KBTBD12: variants seen among roughly 807,000 people sequenced by gnomAD.
The protein encoded by KBTBD12 is kelch repeat and BTB domain-containing protein 12.
A neutral mutation model predicts 58.7 loss-of-function variants in KBTBD12; 53 were observed. The ratio of observed to expected loss-of-function variants is 0.90; its 90% CI spans 0.72 to 1.14. KBTBD12 has a LOEUF of 1.14. Ranked by LOEUF, KBTBD12 falls within the 50% of genes most tolerant of loss-of-function variation. The probability of loss-of-function intolerance (pLI) is 0.00; values close to 1 mark genes in which losing one functional copy is unlikely to be tolerated. For synonymous variants in KBTBD12, 236 were observed against 259.8 expected (o/e 0.91, Z 0.88); for missense variants, 704 against 751.3 (o/e 0.94, Z 0.74).
intron 4 of KBTBD12, among the ~76,000 whole-genome samples, chr3:127,939,072 G>A (rs555220469): frequency 6.6e-6 from 1 of 152,278 alleles, no homozygotes; most frequent in Admixed American, 6.5e-5. Flanking sequence ...TTACTGAAAA[G>A]GGAGGTTATA....
At chr3:127,973,738 T>C (rs1365792824) in intron 5 of KBTBD12, among the ~76,000 whole-genome samples, 2 of 152,196 alleles carry the variant, frequency 1.3e-5, no homozygotes, top group Non-Finnish European at 2.9e-5. Flanking sequence ...CGGTATTCAG[T>C]GTACTATTCT....
chr3:127,969,722 G>T (rs1481450244), intron 5 of KBTBD12, among the ~76,000 whole-genome samples: 1 of 152,150 alleles, frequency 6.6e-6, no homozygotes, highest in African/African-American at 2.4e-5. Flanking sequence ...GTGAGGAAAG[G>T]ATCCTTTTTT....
chr3:127,919,597 C>T (rs1939347535), intron 1 of KBTBD12, among the ~76,000 whole-genome samples: 1 of 152,204 alleles, frequency 6.6e-6, no homozygotes, highest in Non-Finnish European at 1.5e-5. Flanking sequence ...TCTTCCCTCT[C>T]ATACAGGCGG....
chr3:127,964,439 C>G (rs1940520587), intron 5 of KBTBD12, among the ~76,000 whole-genome samples: 1 of 151,446 alleles, frequency 6.6e-6, no homozygotes, highest in Non-Finnish European at 1.5e-5. Context: ...TGAGACCATC[C>G]TGGCCAACAT....
chr3:127,984,379 C>A lies in KBTBD12; in HGVS notation c.*101C>A. On this transcript the variant is annotated 3_prime_UTR_variant, in exon 6 of 6. Transcript: ENST00000405109. ...TCATGCCAGTCATGTGCACTGCATG[C>A]GTAGTGGCCTGTGTGTGAAGAAGCA... is the stretch of plus-strand genomic sequence containing the variant. 1 of 1,083,408 alleles carries A rather than the reference C, an allele frequency of 9.2e-7. No individual in the cohort carries two copies. The highest frequency in any genetic ancestry group is 2.3e-5 in the Admixed American group (1 of 43,018). The allele number at this position is 1,083,408 out of a possible 1,614,324, so 67.1% of individuals were successfully genotyped here.
chr3:127,968,229 A>G (rs1940616798), intron 5 of KBTBD12, among the ~76,000 whole-genome samples: 1 of 152,268 alleles, frequency 6.6e-6, no homozygotes, highest in Admixed American at 6.5e-5. Flanking sequence ...AAGCTTACTT[A>G]TAAAATCCCA....
chr3:127,978,047 C>G (rs1940814271), intron 5 of KBTBD12, among the ~76,000 whole-genome samples: 1 of 152,160 alleles, frequency 6.6e-6, no homozygotes. Flanking sequence ...CTGCATATGG[C>G]TAGCCAGCCA....
intron 4 of KBTBD12, among the ~76,000 whole-genome samples, chr3:127,946,398 G>A (rs1011854758): frequency 1.3e-5 from 2 of 152,064 alleles, no homozygotes; most frequent in African/African-American, 2.4e-5. Flanking sequence ...TGTTTTGCTG[G>A]TTATAGAATT....
At chr3:127,956,412 T>G (rs925853486) in intron 4 of KBTBD12, among the ~76,000 whole-genome samples, 3 of 152,108 alleles carry the variant, frequency 2.0e-5, no homozygotes, top group African/African-American at 7.2e-5. Context: ...ATTATATATG[T>G]TTTCATATTT....
intron 5 of KBTBD12, among the ~76,000 whole-genome samples, chr3:127,973,989 TATTTTC>T (rs1940731719): frequency 6.6e-6 from 1 of 152,182 alleles, no homozygotes; most frequent in Admixed American, 6.5e-5. Context: ...GGAGAGTTAC[TATTTTC>T]ATTTTCAACT....
In KBTBD12 at chr3:127,934,482, GA is replaced by G. The variant is rs1264388894; in HGVS notation, c.1492+4201del. ...AAACCTATGAACAGATGTTTAATGG[GA>G]ATCCCAAAAGGAAATGAGAGAGAGA... On this transcript the variant is annotated intron_variant, in intron 4 of 5. Coordinates refer to ENST00000405109, the MANE Select transcript of KBTBD12 (RefSeq NM_207335.4). Among the ~76,000 whole-genome samples, 3 of 152,088 alleles carry G rather than the reference GA, an allele frequency of 2.0e-5. No homozygotes were observed. The East Asian group carries it at 5.8e-4, about 29-fold the overall frequency.
chr3:127,973,453 G>T (rs1940718177), intron 5 of KBTBD12, among the ~76,000 whole-genome samples: 1 of 152,152 alleles, frequency 6.6e-6, no homozygotes, highest in Non-Finnish European at 1.5e-5. Context: ...GAGTTATTCT[G>T]GGGACAACTG....
chr3:127,950,372 A>G (rs1038444850), intron 4 of KBTBD12, among the ~76,000 whole-genome samples: 2 of 152,210 alleles, frequency 1.3e-5, no homozygotes, highest in African/African-American at 4.8e-5. Context: ...TAGGAACTAG[A>G]TGAGTGAAAA....
intron 4 of KBTBD12, among the ~76,000 whole-genome samples, chr3:127,945,286 G>A (rs763074314): frequency 3.7e-4 from 50 of 135,710 alleles, no homozygotes; most frequent in Admixed American, 6.8e-4. Context: ...CCAGGTTCAC[G>A]CCATTCTCCT....
chr3:127,920,441 T>C (rs1443451221), intron 1 of KBTBD12, among the ~76,000 whole-genome samples: 1 of 151,260 alleles, frequency 6.6e-6, no homozygotes, highest in Admixed American at 6.6e-5. Context: ...TATACTACAA[T>C]CTGATCTCCT....
rs1200205909 is a variant in KBTBD12 at position 127,987,547 on chromosome 3, C to T, written c.*3269C>T. ...ATTTGGATGCTAGGCTGGCAGAAGC[C>T]TGCAGCTGTCAACCACAGCCTGCCC... On this transcript the variant is annotated 3_prime_UTR_variant, in exon 6 of 6. Coordinates refer to ENST00000405109, the MANE Select transcript of KBTBD12 (RefSeq NM_207335.4). 6.6e-6 allele frequency: 1 copy of T among 152,274 alleles called. No individual in the cohort carries two copies. Among genetic ancestry groups the T allele is most frequent in the African/African-American group, 2.4e-5 (1 of 41,468 alleles). 9.4% of individuals were successfully genotyped at this position (152,274 alleles called of 1,614,324 possible).
chr3:127,924,014 AG>A lies in KBTBD12; in HGVS notation c.956del (p.Gly319ValfsTer2). 5 of 1,613,774 alleles carry A rather than the reference AG, an allele frequency of 3.1e-6. No individual in the cohort carries two copies. Among genetic ancestry groups the A allele is most frequent in the Non-Finnish European group, 4.2e-6 (5 of 1,179,750 alleles). ...TTCATCTCATCTCCCAAGTACGGAG[AG>A]GGTTTAGGAACTGTGTGTACTGGTG... ...TYFISSPKYG[E>X]GLGTVCTGVV... On this transcript the variant is annotated frameshift_variant, in exon 2 of 6. Transcript: ENST00000405109. LOFTEE classifies it high-confidence loss of function.
chr3:127,966,122 T>C (rs974907913), intron 5 of KBTBD12, among the ~76,000 whole-genome samples: 1 of 152,122 alleles, frequency 6.6e-6, no homozygotes, highest in Non-Finnish European at 1.5e-5. Flanking sequence ...TCCAGTAATT[T>C]AAAAAGAGAT....
At chr3:127,942,831 G>A (rs1939986752) in intron 4 of KBTBD12, among the ~76,000 whole-genome samples, 1 of 151,942 alleles carries the variant, frequency 6.6e-6, no homozygotes, top group African/African-American at 2.4e-5. Flanking sequence ...TCAAGGACAT[G>A]ACCTTGGCTT....
Sources: gnomAD v4.1 joint callset for allele counts (sites outside exome capture counted in the v4.1 genomes callset) on GRCh38, gnomAD v4.1.1 for gene constraint, MANE v1.5 for transcripts, NCBI Gene and HGNC (gene_info 2026-07-23, HGNC 2026-07-21) for gene names.